The following AOPEP variants were observed in gnomAD, a reference collection of about 807,000 sequenced individuals.
AOPEP encodes aminopeptidase O (putative), also known as aminopeptidase O.
A neutral mutation model predicts 98.1 loss-of-function variants in AOPEP; 77 were observed. The observed-to-expected ratio is 0.78, with a 90% CI of 0.65 to 0.95. The LOEUF (loss-of-function observed/expected upper bound fraction) is 0.95, where lower values mean the gene tolerates loss of function less well. AOPEP is among the 40% of genes least tolerant of loss of function. The probability of loss-of-function intolerance (pLI) is 0.00; values close to 1 mark genes in which losing one functional copy is unlikely to be tolerated. For synonymous variants in AOPEP, 346 were observed against 365.3 expected (o/e 0.95, Z 0.60); for missense variants, 1,024 against 1,024.7 (o/e 1.00, Z 0.01).
intron 2 of AOPEP, 72 bp from the exon 3 acceptor site, chr9:94,772,930 C>A: frequency 7.1e-7 from 1 of 1,416,706 alleles, no homozygotes; most frequent in Non-Finnish European, 9.6e-7. Context: ...ACCTGCACTA[C>A]CATACTGGTG....
chr9:94,850,538 A>G (rs1334060497), intron 5 of AOPEP, among the ~76,000 whole-genome samples: 1 of 152,176 alleles, frequency 6.6e-6, no homozygotes, highest in Admixed American at 6.5e-5. Context: ...CTTTTCAGAG[A>G]CAAAAAAACT....
At chr9:94,885,127 T>C (rs2048060814) in intron 5 of AOPEP, among the ~76,000 whole-genome samples, 1 of 151,612 alleles carries the variant, frequency 6.6e-6, no homozygotes, top group African/African-American at 2.4e-5. Context: ...GGAGGGTGGA[T>C]CACTTGAACC....
chr9:95,095,845 GT>G, the AOPEP span, among the ~76,000 whole-genome samples: 2 of 152,030 alleles, frequency 1.3e-5, no homozygotes, highest in Non-Finnish European at 2.9e-5. Context: ...ACGCAGGGGT[GT>G]GGGTGGGCCG....
intron 11 of AOPEP, among the ~76,000 whole-genome samples, chr9:94,982,132 C>T (rs561492538): frequency 2.0e-5 from 3 of 151,210 alleles, no homozygotes; most frequent in African/African-American, 4.9e-5. Context: ...CCTTTTATGA[C>T]TTTTTTTTTG....
At chr9:95,145,367 C>G in the AOPEP span, 1 of 152,184 alleles carries the variant, frequency 6.6e-6, no homozygotes, top group Non-Finnish European at 1.5e-5. Context: ...ACAACACTCC[C>G]TTCAGATCAC....
chr9:95,020,053 AC>A (rs1316591433), intron 13 of AOPEP: 4 of 152,234 alleles, frequency 2.6e-5, no homozygotes, highest in Non-Finnish European at 5.9e-5. Context: ...GAAAGACCTC[AC>A]AAGCTTCTCT....
At chr9:95,051,069 T>C (rs537590383) in intron 13 of AOPEP, among the ~76,000 whole-genome samples, 7 of 148,458 alleles carry the variant, frequency 4.7e-5, no homozygotes, top group African/African-American at 1.5e-4. Context: ...TTGTTATCTC[T>C]AAAATGTTTT....
chr9:94,726,893 T>A (rs1829307724), intron 1 of AOPEP, 142 bp downstream of exon 1: 1 of 152,582 alleles, frequency 6.6e-6, no homozygotes, highest in Admixed American at 6.5e-5. Flanking sequence ...AGGACCCGCA[T>A]CCCCTCCTCA....
intron 5 of AOPEP, among the ~76,000 whole-genome samples, chr9:94,816,897 G>T (rs1489862793): frequency 6.6e-6 from 1 of 152,214 alleles, no homozygotes; most frequent in Non-Finnish European, 1.5e-5. Flanking sequence ...GAAGGCCTGT[G>T]CACATGGTGT....
chr9:94,859,179 A>G (rs1333036021), intron 5 of AOPEP, among the ~76,000 whole-genome samples: 2 of 152,226 alleles, frequency 1.3e-5, no homozygotes, highest in Non-Finnish European at 2.9e-5. Context: ...GGATGCAATG[A>G]GAAGGCAGTC....
rs1291484894 is a variant in AOPEP, at chr9:94,813,000, C to CACCA, written c.1364+11999_1364+12000insCCAA. On this transcript the variant is annotated intron_variant, in intron 5 of 16. Transcript: ENST00000375315. ...TATGAGCTCCATCCTGCCTTTGTTA[C>CACCA]AAGCAGGTTTTTAGAGGCAAAAAAA... 4.6e-5 allele frequency among the ~76,000 whole-genome samples: 7 copies of CACCA among 152,012 alleles called. No homozygotes were observed. The East Asian group carries it at 1.4e-3, about 29-fold the overall frequency.
chr9:95,118,119 A>G, the AOPEP span, among the ~76,000 whole-genome samples: 2 of 152,022 alleles, frequency 1.3e-5, no homozygotes, highest in Non-Finnish European at 2.9e-5. Flanking sequence ...CCCGGGTCCA[A>G]ATGATTCTCC....
rs953419931 is a variant in AOPEP at position 94,737,519 on chromosome 9, A to G, written c.-136+10768A>G. ...GGATTGTATTTTACCTGTTCAGGAT[A>G]TATGGAATGTTAAATTATTGCATCA... On this transcript the variant is annotated intron_variant, in intron 1 of 16. Coordinates refer to ENST00000375315, the MANE Select transcript of AOPEP (RefSeq NM_001193329.3). Among the ~76,000 whole-genome samples the G allele has an allele frequency of 2.0e-5, 3 of 152,240 alleles. No individual in the cohort carries two copies. The South Asian group carries it at 6.2e-4, about 31-fold the overall frequency.
At chr9:95,044,562 G>T (rs1159064056) in intron 13 of AOPEP, among the ~76,000 whole-genome samples, 1 of 152,230 alleles carries the variant, frequency 6.6e-6, no homozygotes, top group Non-Finnish European at 1.5e-5. Flanking sequence ...ATCTGGAAGG[G>T]TAAGATTGGT....
At chr9:94,827,757 C>T (rs1212499872) in intron 5 of AOPEP, among the ~76,000 whole-genome samples, 3 of 152,108 alleles carry the variant, frequency 2.0e-5, no homozygotes, top group South Asian at 2.1e-4. Flanking sequence ...TAGTTATCCT[C>T]GTCCCAGTGG....
chr9:95,099,513 G>A, the AOPEP span: 1 of 229,312 alleles, frequency 4.4e-6, no homozygotes, highest in African/African-American at 2.2e-5. Context: ...AAGGCAACAA[G>A]AGGGGGAGGT....
At chr9:94,812,790 T>C (rs1850890602) in intron 5 of AOPEP, among the ~76,000 whole-genome samples, 1 of 152,154 alleles carries the variant, frequency 6.6e-6, no homozygotes, top group Non-Finnish European at 1.5e-5. Context: ...CTGAATAATT[T>C]ACAAAGGGAC....
intron 11 of AOPEP, among the ~76,000 whole-genome samples, chr9:94,995,559 C>T (rs1338039908): frequency 6.6e-6 from 1 of 152,116 alleles, no homozygotes; most frequent in Non-Finnish European, 1.5e-5. Context: ...GTAAAAACAG[C>T]AACAGCATAT....
At chr9:94,727,794 A>C (rs1160854437) in intron 1 of AOPEP, among the ~76,000 whole-genome samples, 3 of 152,164 alleles carry the variant, frequency 2.0e-5, no homozygotes, top group Non-Finnish European at 4.4e-5. Context: ...AAAGTAGAAT[A>C]AGGTTAGGGT....
Sources: allele counts gnomAD v4.1 joint callset (sites outside exome capture counted in the v4.1 genomes callset), GRCh38; gene constraint gnomAD v4.1.1; transcripts MANE v1.5; gene names NCBI Gene and HGNC (gene_info 2026-07-23, HGNC 2026-07-21).